The following MORC1 variants were observed in gnomAD, a reference collection of about 807,000 sequenced individuals.
MORC1 encodes MORC family CW-type zinc finger 1.
Under a neutral mutation model 134.9 loss-of-function variants are expected in MORC1, and 59 were observed. That is an observed-to-expected ratio of 0.44 (90% CI 0.35 to 0.54). The LOEUF is 0.54. MORC1 is among the 20% of genes least tolerant of loss of function. The pLI is 0.00. For missense variants in MORC1, 947 were observed against 1,134.5 expected (o/e 0.83, Z 2.37); for synonymous variants, 395 against 391.7 (o/e 1.01, Z -0.10).
chr3:109,051,710 T>C (rs1483143121), intron 14 of MORC1, among the ~76,000 whole-genome samples: 1 of 152,158 alleles, frequency 6.6e-6, no homozygotes, highest in Non-Finnish European at 1.5e-5. Flanking sequence ...AATATATTTA[T>C]TTCAAACCCT....
intron 23 of MORC1, among the ~76,000 whole-genome samples, chr3:108,982,738 AAAAG>A (rs1412858159): frequency 6.6e-6 from 1 of 150,864 alleles, no homozygotes; most frequent in Non-Finnish European, 1.5e-5. Flanking sequence ...AAAAAAAAAA[AAAAG>A]AAGAAGAAGA....
intron 6 of MORC1, among the ~76,000 whole-genome samples, chr3:109,095,835 TA>T (rs902303661): frequency 7.6e-5 from 11 of 145,604 alleles, no homozygotes; most frequent in South Asian, 2.2e-4. Context: ...GATTCCCCAA[TA>T]AAAAAAAAAG....
At position 109,037,655 on chromosome 3, in the gene MORC1, A is replaced by C. The variant is rs1949409826; in HGVS notation, c.1331-2187T>G. 2.6e-5 allele frequency among the ~76,000 whole-genome samples: 4 copies of C among 152,060 alleles called. No individual in the cohort carries two copies. In the South Asian group the frequency reaches 8.3e-4, roughly 32 times the overall value. ...CCCCTCCCTGTGTCCAAGTGTTCTC[A>C]TTGTTCAATTCCCACCTATGAGTGA... On this transcript the variant is annotated intron_variant, in intron 14 of 27. Transcript: ENST00000232603.
chr3:109,040,483 A>T (rs906465570), intron 14 of MORC1, among the ~76,000 whole-genome samples: 2 of 147,160 alleles, frequency 1.4e-5, no homozygotes, highest in African/African-American at 5.1e-5. Context: ...AAAGAAAGAA[A>T]GAAAGGAAAG....
intron 8 of MORC1, among the ~76,000 whole-genome samples, chr3:109,072,680 G>A (rs1950343690): frequency 1.3e-5 from 2 of 152,156 alleles, no homozygotes; most frequent in South Asian, 4.1e-4. Flanking sequence ...TTAGGAAAGG[G>A]AGATAAAAAC....
In MORC1 at chr3:109,069,708, T is replaced by TA. The variant is rs770061397; in HGVS notation, c.738dup (p.Asn247Ter). 6.2e-7 allele frequency: 1 copy of TA among 1,613,074 alleles called. No homozygotes were observed. Among genetic ancestry groups the TA allele is most frequent in the Non-Finnish European group, 8.5e-7 (1 of 1,179,328 alleles). ...TGAATGAATATTCTCATCCATGGGT[T>TA]AAAATACAGAACAGATGTGTAGGCT... is the stretch of plus-strand genomic sequence containing the variant. On this transcript the variant is annotated frameshift_variant, in exon 9 of 28. Transcript: ENST00000232603. LOFTEE classifies it high-confidence loss of function.
chr3:109,009,282 C>T (rs1265694572), intron 17 of MORC1, among the ~76,000 whole-genome samples: 18 of 150,594 alleles, frequency 1.2e-4, no homozygotes, highest in African/African-American at 2.7e-4. Flanking sequence ...CTCTGCTCAC[C>T]GCAACCTCCA....
intron 14 of MORC1, among the ~76,000 whole-genome samples, chr3:109,041,364 A>C (rs757942079): frequency 3.0e-4 from 45 of 152,042 alleles, no homozygotes; most frequent in Non-Finnish European, 4.9e-4. Context: ...CACAGAAGTG[A>C]ACTTTAATAC....
chr3:109,110,796 CA>C lies in MORC1; in HGVS notation c.120-14del. The C allele has an allele frequency of 1.3e-6, 2 of 1,576,258 alleles. No homozygotes were observed. Among genetic ancestry groups the C allele is most frequent in the South Asian group, 1.2e-5 (1 of 84,616 alleles). ...AGCCCCTGCATCTCTGGAAACAATA[CA>C]AAAATATTATTTCTTCAATATGAAA... On this transcript the variant is annotated splice_polypyrimidine_tract_variant and intron_variant, in intron 2 of 27. Transcript: ENST00000232603.
chr3:109,090,424 C>T (rs1319022288), intron 8 of MORC1, among the ~76,000 whole-genome samples: 1 of 151,950 alleles, frequency 6.6e-6, no homozygotes. Context: ...TCAAGACCAG[C>T]CTAACCAACA....
intron 27 of MORC1, 42 bp downstream of exon 27, chr3:108,963,372 T>C (rs1559856558): frequency 6.6e-6 from 10 of 1,523,476 alleles, no homozygotes; most frequent in South Asian, 2.4e-5. Context: ...TCTCGTTCCA[T>C]AGAGTCTACT....
chr3:109,105,189 C>T (rs1291181384), intron 3 of MORC1, among the ~76,000 whole-genome samples: 2 of 151,768 alleles, frequency 1.3e-5, no homozygotes, highest in Non-Finnish European at 2.9e-5. Context: ...TCAAGACCAG[C>T]CTGGCCAACA....
At chr3:109,039,811 A>G (rs1949467921) in intron 14 of MORC1, among the ~76,000 whole-genome samples, 1 of 152,080 alleles carries the variant, frequency 6.6e-6, no homozygotes, top group Non-Finnish European at 1.5e-5. Flanking sequence ...CATTTTTGTT[A>G]TGCCTCTCCC....
chr3:109,076,378 G>A (rs771167075), intron 8 of MORC1, among the ~76,000 whole-genome samples: 5 of 152,182 alleles, frequency 3.3e-5, no homozygotes, highest in African/African-American at 1.2e-4. Flanking sequence ...CACTGTTGGT[G>A]AGACTGTAAA....
intron 21 of MORC1, among the ~76,000 whole-genome samples, chr3:108,999,320 T>C (rs777489377): frequency 3.7e-4 from 56 of 152,174 alleles, no homozygotes; most frequent in Admixed American, 7.9e-4. Context: ...CATGAAATCA[T>C]ATGATGTCTG....
chr3:109,032,271 T>C (rs551004360), intron 16 of MORC1, among the ~76,000 whole-genome samples: 1 of 152,320 alleles, frequency 6.6e-6, no homozygotes, highest in Admixed American at 6.5e-5. Context: ...AATCAGTCTT[T>C]TTCCTGTTTT....
In MORC1 at chr3:109,063,450, T is replaced by C. The variant is rs574942663; in HGVS notation, c.816-219A>G. 2.6e-5 allele frequency among the ~76,000 whole-genome samples: 4 copies of C among 152,266 alleles called. No homozygotes were observed. In the East Asian group the frequency reaches 7.7e-4, roughly 29 times the overall value. On this transcript the variant is annotated intron_variant, in intron 9 of 27. Coordinates refer to ENST00000232603, the MANE Select transcript of MORC1 (RefSeq NM_014429.4). ...ATGTTGTTTTTTTAAGGAAACTTCA[T>C]GAGAGCGATAAGAAAATCTGCCCAC...
rs575691653 is a variant in MORC1, at chr3:109,033,055, G to C, written c.1460-230C>G. On this transcript the variant is annotated intron_variant, in intron 15 of 27. Transcript: ENST00000232603. ...TTATTATCTCAGTTCCCTCCAGTTAGTTTCTGCTACTTTCAGCCAAAAGAA... is the reference window on the plus strand; with the variant it reads ...TTATTATCTCAGTTCCCTCCAGTTACTTTCTGCTACTTTCAGCCAAAAGAA... 1.4e-4 allele frequency among the ~76,000 whole-genome samples: 21 copies of C among 152,112 alleles called. 1 individual carries two copies. In the South Asian group the frequency reaches 4.4e-3, roughly 32 times the overall value.
At chr3:109,072,276 TC>T (rs1349387337) in intron 8 of MORC1, among the ~76,000 whole-genome samples, 5 of 152,162 alleles carry the variant, frequency 3.3e-5, no homozygotes, top group Non-Finnish European at 5.9e-5. Flanking sequence ...GGCTTTCTTA[TC>T]CCCAAGGCTG....
Sources: gnomAD v4.1 joint callset for allele counts (sites outside exome capture counted in the v4.1 genomes callset) on GRCh38, gnomAD v4.1.1 for gene constraint, MANE v1.5 for transcripts, NCBI Gene and HGNC (gene_info 2026-07-23, HGNC 2026-07-21) for gene names.